Variants in BCL2L13 observed in about 807,000 individuals in gnomAD.
BCL2L13 encodes the protein BCL2 like 13.
BCL2L13 carries 13 observed loss-of-function variants against 25.8 expected under a neutral mutation model. The ratio of observed to expected loss-of-function variants is 0.50; its 90% CI spans 0.33 to 0.80. The LOEUF (loss-of-function observed/expected upper bound fraction) is 0.80, where lower values mean the gene tolerates loss of function less well. Among genes scored for constraint, BCL2L13 ranks in the 30% least tolerant of loss-of-function variants. The probability of loss-of-function intolerance (pLI) is 0.02; values close to 1 mark genes in which losing one functional copy is unlikely to be tolerated. For missense variants in BCL2L13, 504 were observed against 574.9 expected (o/e 0.88, Z 1.26); for synonymous variants, 244 against 230.3 (o/e 1.06, Z -0.54).
intron 1 of BCL2L13, among the ~76,000 whole-genome samples, chr22:17,647,190 G>A (rs2058525912): frequency 6.6e-6 from 1 of 151,548 alleles, no homozygotes. Context: ...TAGCCAGGCT[G>A]GTTTCGATCT....
intron 6 of BCL2L13, among the ~76,000 whole-genome samples, chr22:17,716,965 T>C (rs1468435095): frequency 6.6e-6 from 1 of 152,158 alleles, no homozygotes; most frequent in Non-Finnish European, 1.5e-5. Flanking sequence ...GGTACTGATA[T>C]TTTACTTCTC....
At chr22:17,681,303 G>A (rs2059747374) in intron 2 of BCL2L13, among the ~76,000 whole-genome samples, 3 of 151,906 alleles carry the variant, frequency 2.0e-5, no homozygotes, top group African/African-American at 7.3e-5. Context: ...CCAGGAGATC[G>A]AGACCATCCT....
At chr22:17,714,250 G>T (rs551464902) in intron 6 of BCL2L13, among the ~76,000 whole-genome samples, 1 of 151,474 alleles carries the variant, frequency 6.6e-6, no homozygotes, top group African/African-American at 2.4e-5. Flanking sequence ...CAGAGATTGC[G>T]CCACTGCACT....
At chr22:17,694,681 A>G (rs1340381983) in intron 4 of BCL2L13, among the ~76,000 whole-genome samples, 2 of 152,116 alleles carry the variant, frequency 1.3e-5, no homozygotes, top group African/African-American at 4.8e-5. Context: ...CTACGTTTCT[A>G]ATGCTCATTA....
chr22:17,642,073 A>C (rs1169216161), intron 1 of BCL2L13, among the ~76,000 whole-genome samples: 1 of 149,000 alleles, frequency 6.7e-6, no homozygotes, highest in Non-Finnish European at 1.5e-5. Flanking sequence ...TGCTGGGATT[A>C]CAGGTGTGTG....
intron 5 of BCL2L13, among the ~76,000 whole-genome samples, chr22:17,698,568 A>AAG (rs2060337563): frequency 6.6e-6 from 1 of 150,794 alleles, no homozygotes; most frequent in Non-Finnish European, 1.5e-5. Flanking sequence ...AAAAAAAAAA[A>AAG]AAAAAAAAAG....
At chr22:17,655,016 G>T (rs1356164693) in intron 1 of BCL2L13, among the ~76,000 whole-genome samples, 1 of 152,128 alleles carries the variant, frequency 6.6e-6, no homozygotes, top group Non-Finnish European at 1.5e-5. Flanking sequence ...GAGCCACCAT[G>T]CATTGCCTGT....
chr22:17,698,632 G>A (rs865778105), intron 5 of BCL2L13, among the ~76,000 whole-genome samples: 23 of 151,716 alleles, frequency 1.5e-4, no homozygotes, highest in Middle Eastern at 3.5e-3. Flanking sequence ...GGGAGGCTGA[G>A]GTGAGAGGAT....
rs1385355128 is a variant in BCL2L13, at chr22:17,691,661, A to AG, written c.386+2520dup. Among the ~76,000 whole-genome samples the AG allele has an allele frequency of 3.3e-5, 5 of 152,168 alleles. No homozygotes were observed. The East Asian group carries it at 5.8e-4, about 18-fold the overall frequency. Reference sequence around the variant, plus strand: ...ACTCTGTCTCAAAAACAAAAAAAAAAGAATCTTTTTCCAAATTTGATACAG... The same window carrying AG: ...ACTCTGTCTCAAAAACAAAAAAAAAAGGAATCTTTTTCCAAATTTGATACAG... On this transcript the variant is annotated intron_variant, in intron 4 of 6. Coordinates refer to ENST00000317582, the MANE Select transcript of BCL2L13 (RefSeq NM_015367.4).
chr22:17,631,942 GA>G (rs972563830), intron 1 of BCL2L13, among the ~76,000 whole-genome samples: 1 of 151,058 alleles, frequency 6.6e-6, no homozygotes, highest in Non-Finnish European at 1.5e-5. Context: ...GGCTGATCTC[GA>G]ACTCCTGACC....
intron 1 of BCL2L13, among the ~76,000 whole-genome samples, chr22:17,641,362 G>A (rs148151169): frequency 6.6e-6 from 1 of 151,890 alleles, no homozygotes; most frequent in Admixed American, 6.6e-5. Flanking sequence ...CAAAGTGGGG[G>A]TGGGTGGTAT....
intron 4 of BCL2L13, among the ~76,000 whole-genome samples, chr22:17,694,118 T>C (rs2060195476): frequency 6.6e-6 from 1 of 152,136 alleles, no homozygotes; most frequent in Non-Finnish European, 1.5e-5. Context: ...AAATTTTTAA[T>C]CTATTAATTT....
chr22:17,639,888 C>T (rs1226600371), intron 1 of BCL2L13, among the ~76,000 whole-genome samples: 15 of 148,922 alleles, frequency 1.0e-4, no homozygotes, highest in African/African-American at 3.5e-4. Flanking sequence ...GAGTTTCCCT[C>T]TTGTTGCCTA....
intron 6 of BCL2L13, among the ~76,000 whole-genome samples, chr22:17,715,054 G>T (rs1411980442): frequency 6.9e-6 from 1 of 144,160 alleles, no homozygotes; most frequent in Non-Finnish European, 1.5e-5. Context: ...CAGCTATTCA[G>T]TGGAAAAGAC....
intron 2 of BCL2L13, among the ~76,000 whole-genome samples, chr22:17,674,362 T>C (rs975113821): frequency 5.9e-5 from 9 of 152,142 alleles, no homozygotes; most frequent in African/African-American, 1.9e-4. Flanking sequence ...GCTTACGCAC[T>C]TTGGGAGGCT....
At chr22:17,700,612 C>CA (rs2060404662) in intron 5 of BCL2L13, among the ~76,000 whole-genome samples, 2 of 152,168 alleles carry the variant, frequency 1.3e-5, no homozygotes, top group Admixed American at 1.3e-4. Flanking sequence ...TTACCTGCTT[C>CA]TACCCGAGGC....
At chr22:17,686,966 T>G (rs961561576) in intron 3 of BCL2L13, among the ~76,000 whole-genome samples, 18 of 152,152 alleles carry the variant, frequency 1.2e-4, no homozygotes, top group African/African-American at 4.3e-4. Context: ...GAACCCCATA[T>G]TATCTAAGTT....
chr22:17,680,074 C>T (rs541764052), intron 2 of BCL2L13, among the ~76,000 whole-genome samples: 1 of 151,776 alleles, frequency 6.6e-6, no homozygotes, highest in South Asian at 2.1e-4. Flanking sequence ...ATTAGCCGGG[C>T]GTGTTGGCAG....
intron 4 of BCL2L13, among the ~76,000 whole-genome samples, chr22:17,689,461 T>G (rs553339046): frequency 6.6e-6 from 1 of 152,306 alleles, no homozygotes; most frequent in African/African-American, 2.4e-5. Flanking sequence ...TACTGCCATT[T>G]CCTCTAGTCG....
Sources: gnomAD v4.1 joint callset for allele counts (sites outside exome capture counted in the v4.1 genomes callset) on GRCh38, gnomAD v4.1.1 for gene constraint, MANE v1.5 for transcripts, NCBI Gene and HGNC (gene_info 2026-07-23, HGNC 2026-07-21) for gene names.